MYRIP: variants seen among roughly 807,000 people sequenced by gnomAD.
MYRIP encodes myosin VIIA and Rab interacting protein.
Under a neutral mutation model 98.0 loss-of-function variants are expected in MYRIP, and 49 were observed. The ratio of observed to expected loss-of-function variants is 0.50; its 90% CI spans 0.40 to 0.63. The LOEUF is 0.63. Ranked by LOEUF, MYRIP falls within the 30% of genes least tolerant of loss-of-function variation. The pLI is 0.00. For synonymous variants in MYRIP, 404 were observed against 409.5 expected, an observed-to-expected ratio of 0.99 and a Z score of 0.16; for missense variants, 1,004 against 1,058.2, an observed-to-expected ratio of 0.95 and a Z score of 0.71.
intron 2 of MYRIP, among the ~76,000 whole-genome samples, chr3:39,939,941 A>C (rs1944744457): frequency 6.6e-6 from 1 of 151,972 alleles, no homozygotes; most frequent in Admixed American, 6.6e-5. Context: ...GTATGTATGC[A>C]TGCATGTGTA....
chr3:40,161,605 A>G (rs1266746025), intron 4 of MYRIP, among the ~76,000 whole-genome samples: 8 of 151,980 alleles, frequency 5.3e-5, no homozygotes, highest in African/African-American at 1.9e-4. Context: ...TGCTTATTCA[A>G]TCTCTGTCTT....
intron 7 of MYRIP, 118 bp from the exon 8 acceptor site, chr3:40,169,832 C>G (rs1950574207): frequency 8.6e-7 from 1 of 1,165,742 alleles, no homozygotes; most frequent in African/African-American, 1.5e-5. Context: ...GCCTGGTGTT[C>G]TGTTGAAATT....
chr3:40,223,626 A>G (rs1156548255), intron 11 of MYRIP, among the ~76,000 whole-genome samples: 1 of 152,204 alleles, frequency 6.6e-6, no homozygotes, highest in Non-Finnish European at 1.5e-5. Flanking sequence ...CCAGCAATAG[A>G]TAAGAGACAA....
At chr3:40,188,719 G>GT (rs1951108693) in intron 9 of MYRIP, among the ~76,000 whole-genome samples, 1 of 152,130 alleles carries the variant, frequency 6.6e-6, no homozygotes, top group Non-Finnish European at 1.5e-5. Context: ...GAAGGTTGCA[G>GT]TGAGTCGAGA....
At chr3:40,031,111 G>T (rs1947251341) in intron 2 of MYRIP, among the ~76,000 whole-genome samples, 1 of 152,054 alleles carries the variant, frequency 6.6e-6, no homozygotes, top group Admixed American at 6.6e-5. Context: ...ATTTCTCACA[G>T]TTTTGGAGAC....
intron 2 of MYRIP, among the ~76,000 whole-genome samples, chr3:39,981,514 G>A (rs755102830): frequency 6.6e-6 from 1 of 152,064 alleles, no homozygotes; most frequent in Non-Finnish European, 1.5e-5. Flanking sequence ...ATATGGGGAG[G>A]TCATCAAAAT....
chr3:40,112,207 A>G (rs575433360), intron 3 of MYRIP, among the ~76,000 whole-genome samples: 2 of 140,194 alleles, frequency 1.4e-5, no homozygotes, highest in Non-Finnish European at 1.6e-5. Flanking sequence ...ACATACGCTC[A>G]TGGAATTCTA....
intron 16 of MYRIP, among the ~76,000 whole-genome samples, chr3:40,253,492 TCAAA>T (rs1953460818): frequency 6.6e-6 from 1 of 152,192 alleles, no homozygotes; most frequent in African/African-American, 2.4e-5. Context: ...AAATAAAAAC[TCAAA>T]CAAGCCTACA....
chr3:39,972,087 C>T (rs868856672), intron 2 of MYRIP, among the ~76,000 whole-genome samples: 1 of 151,992 alleles, frequency 6.6e-6, no homozygotes, highest in Non-Finnish European at 1.5e-5. Context: ...ATTTCCATGA[C>T]TATTAGCTAC....
chr3:39,868,916 A>G (rs1174768254), intron 1 of MYRIP, among the ~76,000 whole-genome samples: 1 of 152,188 alleles, frequency 6.6e-6, no homozygotes, highest in African/African-American at 2.4e-5. Flanking sequence ...GTCAGCTGTT[A>G]ACTTTATTGA....
chr3:40,172,349 A>C (rs549434588), intron 8 of MYRIP, among the ~76,000 whole-genome samples: 2 of 152,264 alleles, frequency 1.3e-5, no homozygotes, highest in Admixed American at 6.5e-5. Context: ...ACCTGAAACC[A>C]AGACTTGAAA....
chr3:39,956,465 G>A (rs1323091721), intron 2 of MYRIP, among the ~76,000 whole-genome samples: 3 of 152,180 alleles, frequency 2.0e-5, no homozygotes. Context: ...AAATAAAGAT[G>A]TTCTTTGAAA....
intron 3 of MYRIP, among the ~76,000 whole-genome samples, chr3:40,120,504 C>T (rs1171698730): frequency 6.6e-6 from 1 of 152,206 alleles, no homozygotes; most frequent in Non-Finnish European, 1.5e-5. Context: ...TTCGATGCAA[C>T]CCTATGTGTC....
intron 3 of MYRIP, among the ~76,000 whole-genome samples, chr3:40,134,749 C>T (rs546701960): frequency 1.6e-4 from 24 of 152,312 alleles, no homozygotes; most frequent in South Asian, 2.1e-4. Flanking sequence ...CTGCAGCCAC[C>T]GCTGCTGATA....
chr3:40,224,101 G>A lies in MYRIP; in HGVS notation c.1906-9758G>A, dbSNP rs559329612. Reference sequence around the variant, plus strand: ...AGAGCAATGTGGCCAAGGGAAAAGCGGCGAGAGAGGTGAGGGCAGGGGCTA... The same window carrying A: ...AGAGCAATGTGGCCAAGGGAAAAGCAGCGAGAGAGGTGAGGGCAGGGGCTA... On this transcript the variant is annotated intron_variant, in intron 11 of 16. Coordinates refer to ENST00000302541, the MANE Select transcript of MYRIP (RefSeq NM_015460.4). 1.8e-4 allele frequency among the ~76,000 whole-genome samples: 27 copies of A among 152,268 alleles called. 1 individual carries two copies. In the South Asian group the frequency reaches 2.7e-3, roughly 15 times the overall value.
intron 3 of MYRIP, among the ~76,000 whole-genome samples, chr3:40,136,737 A>C (rs183971496): frequency 6.6e-6 from 1 of 152,250 alleles, no homozygotes; most frequent in East Asian, 1.9e-4. Context: ...AACTCACGCA[A>C]AACTGATCAA....
chr3:40,163,729 C>T (rs966338545), intron 5 of MYRIP, among the ~76,000 whole-genome samples: 1 of 152,136 alleles, frequency 6.6e-6, no homozygotes, highest in East Asian at 1.9e-4. Flanking sequence ...TACCACTGCT[C>T]TTATGGGTCT....
At chr3:40,026,330 C>T (rs924810939) in intron 2 of MYRIP, among the ~76,000 whole-genome samples, 2 of 152,044 alleles carry the variant, frequency 1.3e-5, no homozygotes, top group African/African-American at 2.4e-5. Context: ...TCCCTAAAAT[C>T]GCTGTTATTC....
intron 3 of MYRIP, among the ~76,000 whole-genome samples, chr3:40,089,858 G>A (rs1310186322): frequency 6.6e-6 from 1 of 152,048 alleles, no homozygotes; most frequent in Non-Finnish European, 1.5e-5. Flanking sequence ...ATTACGTAGA[G>A]GGTCTTTAGG....
Sources: allele counts gnomAD v4.1 joint callset (sites outside exome capture counted in the v4.1 genomes callset), GRCh38; gene constraint gnomAD v4.1.1; transcripts MANE v1.5; gene names NCBI Gene and HGNC (gene_info 2026-07-23, HGNC 2026-07-21).